The following XPNPEP3 variants were observed in gnomAD, a reference collection of about 807,000 sequenced individuals.
The protein encoded by XPNPEP3 is xaa-Pro aminopeptidase 3.
Under a neutral mutation model 60.0 loss-of-function variants are expected in XPNPEP3, and 41 were observed. The ratio of observed to expected loss-of-function variants is 0.68; its 90% CI spans 0.53 to 0.89. The LOEUF (loss-of-function observed/expected upper bound fraction) is 0.89. Ranked by LOEUF, XPNPEP3 falls within the 40% of genes least tolerant of loss-of-function variation. The pLI, the probability that XPNPEP3 is intolerant of heterozygous loss-of-function variation, is 0.00. For missense variants in XPNPEP3, 598 were observed against 638.9 expected, an observed-to-expected ratio of 0.94 and a Z score of 0.69; for synonymous variants, 212 against 223.2, an observed-to-expected ratio of 0.95 and a Z score of 0.45.
At chr22:40,861,586 A>G (rs776615236) in intron 1 of XPNPEP3, 21 of 1,613,194 alleles carry the variant, frequency 1.3e-5, no homozygotes, top group Non-Finnish European at 1.5e-5. Flanking sequence ...GTGGAGAAAA[A>G]GTATCCTGCA....
At chr22:40,922,252 T>C (rs1453295704) in intron 7 of XPNPEP3, 81 bp from the exon 8 acceptor site, 3 of 1,554,088 alleles carry the variant, frequency 1.9e-6, no homozygotes, top group Non-Finnish European at 2.6e-6. Context: ...CATCTTGGGG[T>C]TTTTCTAATC....
intron 4 of XPNPEP3, among the ~76,000 whole-genome samples, chr22:40,906,090 C>CTGTTTGTT (rs34451692): frequency 1.2e-4 from 18 of 151,814 alleles, no homozygotes; most frequent in African/African-American, 4.1e-4. Context: ...CGCACCCAGC[C>CTGTTTGTT]TGTTTGTTTG....
At position 40,931,856 on chromosome 22, in the gene XPNPEP3, G is replaced by C. The variant is rs2058255883; in HGVS notation, c.*5421G>C. 1 of 152,086 alleles carries C rather than the reference G, an allele frequency of 6.6e-6. No individual in the cohort carries two copies. The highest frequency in any genetic ancestry group is 2.4e-5 in the African/African-American group (1 of 41,404). The allele number at this position is 152,086 out of a possible 1,614,324, so 9.4% of individuals were successfully genotyped here. Reference sequence around the variant, plus strand: ...TTGCTTTTTTCTCCGTTTTTGTAAGGTGAGAAAGGGAAAAACCTTCACCGT... The same window carrying C: ...TTGCTTTTTTCTCCGTTTTTGTAAGCTGAGAAAGGGAAAAACCTTCACCGT... On this transcript the variant is annotated 3_prime_UTR_variant, in exon 10 of 10. Coordinates refer to ENST00000357137, the MANE Select transcript of XPNPEP3 (RefSeq NM_022098.4).
intron 4 of XPNPEP3, among the ~76,000 whole-genome samples, chr22:40,897,125 TC>T (rs1470256026): frequency 5.3e-5 from 8 of 150,934 alleles, no homozygotes; most frequent in Non-Finnish European, 5.9e-5. Context: ...TCCGCCGGGT[TC>T]ACGCCATTCT....
intron 4 of XPNPEP3, among the ~76,000 whole-genome samples, chr22:40,904,621 A>T (rs2058147435): frequency 6.6e-6 from 1 of 152,202 alleles, no homozygotes; most frequent in Middle Eastern, 3.2e-3. Context: ...AGCAAAATTA[A>T]TAAAAAGACA....
chr22:40,862,000 A>G lies in XPNPEP3; in HGVS notation c.64+4755A>G, dbSNP rs1320231433. The stretch of plus-strand genomic sequence containing the variant: ...ACTTCATAGTAATCCACCATGTTTT[A>G]ACAGATAGTTGGAAGTGGGTGTGCT... On this transcript the variant is annotated intron_variant, in intron 1 of 9. Transcript: ENST00000357137. 9.5e-6 allele frequency: 15 copies of G among 1,578,114 alleles called. No individual in the cohort carries two copies. In the Middle Eastern group the frequency reaches 9.7e-4, roughly 102 times the overall value.
At chr22:40,887,518 C>G (rs905449156) in intron 4 of XPNPEP3, among the ~76,000 whole-genome samples, 1 of 152,208 alleles carries the variant, frequency 6.6e-6, no homozygotes, top group Non-Finnish European at 1.5e-5. Context: ...CAGAAGGCGG[C>G]TTTCTTGCTG....
chr22:40,890,085 C>T (rs1266785942), intron 4 of XPNPEP3, among the ~76,000 whole-genome samples: 1 of 152,162 alleles, frequency 6.6e-6, no homozygotes, highest in Non-Finnish European at 1.5e-5. Context: ...AACATCCCAA[C>T]AGGACTTTAA....
chr22:40,877,180 G>A (rs2145781227), intron 2 of XPNPEP3, among the ~76,000 whole-genome samples: 1 of 152,244 alleles, frequency 6.6e-6, no homozygotes, highest in South Asian at 2.1e-4. Context: ...AATCTATTTA[G>A]AGTATTTTTT....
In XPNPEP3 at chr22:40,857,201, C is replaced by A. The variant is rs1321799544; in HGVS notation, c.20C>A (p.Ala7Asp). The A allele has an allele frequency of 6.2e-7, 1 of 1,614,088 alleles. No homozygotes were observed. Among genetic ancestry groups the A allele is most frequent in the Non-Finnish European group, 8.5e-7 (1 of 1,180,038 alleles). Residue 7 changes from alanine to aspartate, a missense_variant, in exon 1 of 10, where the codon GCC (alanine) becomes GAC (aspartate). Ala to Asp is a moderately radical substitution (Grantham distance 126). Coordinates refer to ENST00000357137, the MANE Select transcript of XPNPEP3 (RefSeq NM_022098.4). ...GCCGTAATGCCTTGGCTGCTCTCAG[C>A]CCCCAAGCTGGTTCCCGCTGTAGCA... is the stretch of plus-strand genomic sequence containing the variant. MPWLLS[A>D]PKLVPAVANV...
chr22:40,914,143 A>G, intron 6 of XPNPEP3, 96 bp from the exon 7 acceptor site: 1 of 988,210 alleles, frequency 1.0e-6, no homozygotes. Context: ...ACTCCGTCTC[A>G]GAAAAAAAAA....
chr22:40,879,575 C>T (rs2058039643), intron 2 of XPNPEP3, among the ~76,000 whole-genome samples: 1 of 151,914 alleles, frequency 6.6e-6, no homozygotes. Context: ...GGCATGGTGG[C>T]TCATGCCTGT....
At position 40,874,632 on chromosome 22, in the gene XPNPEP3, C is replaced by T. The variant is rs138161559; in HGVS notation, c.181+5517C>T. Among the ~76,000 whole-genome samples, 649 of 152,166 alleles carry T rather than the reference C, an allele frequency of 4.3e-3. 3 individuals are homozygous for T. The highest frequency in any genetic ancestry group is 0.015 in the African/African-American group (608 of 41,506). ...ATAGAGATAAGGTCTCACTATGTTG[C>T]CCAGGCTGGTCTTGAACTCCTGGAC... is the stretch of plus-strand genomic sequence containing the variant. On this transcript the variant is annotated intron_variant, in intron 2 of 9. Coordinates refer to ENST00000357137, the MANE Select transcript of XPNPEP3 (RefSeq NM_022098.4).
At chr22:40,878,610 G>A (rs1358364992) in intron 2 of XPNPEP3, among the ~76,000 whole-genome samples, 1 of 149,118 alleles carries the variant, frequency 6.7e-6, no homozygotes, top group Non-Finnish European at 1.5e-5. Context: ...TTTTTGAGAC[G>A]GAATCTTACT....
At chr22:40,886,892 T>C (rs117699439) in intron 4 of XPNPEP3, among the ~76,000 whole-genome samples, 15 of 151,930 alleles carry the variant, frequency 9.9e-5, no homozygotes, top group Non-Finnish European at 2.1e-4. Flanking sequence ...TCGTAAGCTC[T>C]TGAGGTCGTA....
intron 2 of XPNPEP3, among the ~76,000 whole-genome samples, chr22:40,879,909 C>G (rs948175608): frequency 6.6e-6 from 1 of 150,958 alleles, no homozygotes; most frequent in African/African-American, 2.4e-5. Flanking sequence ...CGCCTGTAAT[C>G]CCAGCTATTT....
At chr22:40,884,321 T>C (rs540226247) in intron 3 of XPNPEP3, among the ~76,000 whole-genome samples, 24 of 151,952 alleles carry the variant, frequency 1.6e-4, no homozygotes, top group African/African-American at 4.1e-4. Context: ...AAAGTACTTC[T>C]CGGTCACCAT....
chr22:40,861,049 T>A, intron 1 of XPNPEP3: 1 of 1,560,806 alleles, frequency 6.4e-7, no homozygotes, highest in Non-Finnish European at 8.6e-7. Flanking sequence ...AAATGTTATA[T>A]ATTTGAAGAG....
intron 2 of XPNPEP3, among the ~76,000 whole-genome samples, chr22:40,871,001 C>G (rs1466307573): frequency 6.6e-6 from 1 of 151,764 alleles, no homozygotes; most frequent in Non-Finnish European, 1.5e-5. Flanking sequence ...TGCACTCCAG[C>G]TTGGGGGACA....
Sources: gnomAD v4.1 joint callset for allele counts (sites outside exome capture counted in the v4.1 genomes callset) on GRCh38, gnomAD v4.1.1 for gene constraint, MANE v1.5 for transcripts, NCBI Gene and HGNC (gene_info 2026-07-23, HGNC 2026-07-21) for gene names.